The following RXFP2 variants were observed in gnomAD, a reference collection of about 807,000 sequenced individuals.
RXFP2 encodes relaxin family peptide receptor 2, also known as relaxin receptor 2.
A neutral mutation model predicts 88.6 loss-of-function variants in RXFP2; 68 were observed. The observed-to-expected ratio is 0.77, with a 90% confidence interval of 0.63 to 0.94. The LOEUF (loss-of-function observed/expected upper bound fraction) is 0.94. Ranked by LOEUF, RXFP2 falls within the 40% of genes least tolerant of loss-of-function variation. The probability of loss-of-function intolerance (pLI) is 0.00; values close to 1 mark genes in which losing one functional copy is unlikely to be tolerated. For missense variants in RXFP2, 791 were observed against 893.9 expected, an observed-to-expected ratio of 0.88 and a Z score of 1.47; for synonymous variants, 329 against 306.8, an observed-to-expected ratio of 1.07 and a Z score of -0.76.
chr13:31,779,794 A>G (rs1873181941), intron 9 of RXFP2, among the ~76,000 whole-genome samples: 1 of 151,924 alleles, frequency 6.6e-6, no homozygotes, highest in South Asian at 2.1e-4. Flanking sequence ...CTAACCTCAA[A>G]ATCTCTTGTT....
Position 31,774,316 on chromosome 13 carries a change from C to T in RXFP2, c.498-304C>T, listed in dbSNP as rs1016863582. ...CACATGGCCAGAAACTCCTGCCAGTCAGAACAGGACGGTCACCATAGTGCC... is the reference window on the plus strand; with the variant it reads ...CACATGGCCAGAAACTCCTGCCAGTTAGAACAGGACGGTCACCATAGTGCC... On this transcript the variant is annotated intron_variant, in intron 5 of 17. Coordinates refer to ENST00000298386, the MANE Select transcript of RXFP2 (RefSeq NM_130806.5). 4.4e-4 allele frequency among the ~76,000 whole-genome samples: 67 copies of T among 152,156 alleles called. 1 individual carries two copies. The highest frequency in any genetic ancestry group is 1.5e-5 in the Non-Finnish European group (1 of 68,026).
intron 5 of RXFP2, among the ~76,000 whole-genome samples, chr13:31,766,767 C>T (rs1030396573): frequency 1.3e-5 from 2 of 152,148 alleles, no homozygotes; most frequent in Non-Finnish European, 2.9e-5. Context: ...TGAAAAGTTG[C>T]ATGGCATAGA....
chr13:31,774,505 C>A, intron 5 of RXFP2, 115 bp from the exon 6 acceptor site: 1 of 729,502 alleles, frequency 1.4e-6, no homozygotes. Context: ...GAGAATAGGA[C>A]TTCGTACTTC....
intron 16 of RXFP2, among the ~76,000 whole-genome samples, chr13:31,794,772 AC>A (rs1322574538): frequency 9.9e-5 from 15 of 152,228 alleles, no homozygotes; most frequent in Non-Finnish European, 2.2e-4. Context: ...AAGCCAGGGA[AC>A]AGGGTAAGAT....
chr13:31,768,360 A>G (rs1198659632), intron 5 of RXFP2, among the ~76,000 whole-genome samples: 1 of 152,198 alleles, frequency 6.6e-6, no homozygotes. Flanking sequence ...ACAGGGGGAT[A>G]AAACACAATT....
chr13:31,777,365 C>T lies in RXFP2; in HGVS notation c.642-11C>T. ...CTAATATTGGAAATGTTTCTTGATA[C>T]ATTTTGTCAGAATTCTAGATGACAA... is the stretch of plus-strand genomic sequence containing the variant. On this transcript the variant is annotated splice_polypyrimidine_tract_variant and intron_variant, in intron 7 of 17. Transcript: ENST00000298386. 3 of 1,594,076 alleles carry T rather than the reference C, an allele frequency of 1.9e-6. No individual in the cohort carries two copies. Among genetic ancestry groups the T allele is most frequent in the Admixed American group, 1.7e-5 (1 of 59,808 alleles).
chr13:31,777,474 A>G, intron 8 of RXFP2, 27 bp downstream of exon 8: 1 of 1,466,194 alleles, frequency 6.8e-7, no homozygotes, highest in South Asian at 1.1e-5. Context: ...CTTTCAATAC[A>G]TCTATCGATA....
chr13:31,796,712 T>G (rs1318567115), intron 16 of RXFP2, among the ~76,000 whole-genome samples: 1 of 152,220 alleles, frequency 6.6e-6, no homozygotes, highest in Admixed American at 6.5e-5. Flanking sequence ...GGGTTTTACC[T>G]AACACCACTG....
In RXFP2 at chr13:31,789,258, T is replaced by C. The variant is rs1039463360; in HGVS notation, c.1145+65T>C. 8.0e-6 allele frequency: 8 copies of C among 1,005,238 alleles called. 1 individual carries two copies. In the African/African-American group the frequency reaches 1.1e-4, roughly 14 times the overall value. The allele number at this position is 1,005,238 out of a possible 1,614,324, so 62.3% of individuals were successfully genotyped here. A position where few individuals can be genotyped will look rare whatever the true frequency, so the allele number is the denominator to read the frequency against. On this transcript the variant is annotated intron_variant, in intron 14 of 17. Transcript: ENST00000298386. ...ATGCTTCAAATTATCTCCTGTAAAC[T>C]GTCTAATGTATCACTGCAATGTGTT...
chr13:31,754,246 G>A (rs1380041631), intron 1 of RXFP2, among the ~76,000 whole-genome samples: 1 of 152,184 alleles, frequency 6.6e-6, no homozygotes, highest in Non-Finnish European at 1.5e-5. Context: ...AGAACTCACA[G>A]TCAGCTGGGC....
At chr13:31,753,735 T>C (rs1358230014) in intron 1 of RXFP2, among the ~76,000 whole-genome samples, 1 of 152,210 alleles carries the variant, frequency 6.6e-6, no homozygotes, top group Non-Finnish European at 1.5e-5. Flanking sequence ...AAAAATAATT[T>C]CTCATCAGAA....
rs1377087220 is a variant in RXFP2 at position 31,762,201 on chromosome 13, T to C, written c.319+400T>C. On this transcript the variant is annotated intron_variant, in intron 3 of 17. Coordinates refer to ENST00000298386, the MANE Select transcript of RXFP2 (RefSeq NM_130806.5). ...GCTCCTTACAAAAGCAGTGATGATA[T>C]AATATTATTGCTAAAAGGGAGGAAT... 3.9e-5 allele frequency among the ~76,000 whole-genome samples: 6 copies of C among 152,200 alleles called. No homozygotes were observed. The East Asian group carries it at 1.2e-3, about 29-fold the overall frequency.
intron 1 of RXFP2, among the ~76,000 whole-genome samples, chr13:31,756,179 G>A (rs1227667148): frequency 6.6e-6 from 1 of 152,304 alleles, no homozygotes; most frequent in East Asian, 1.9e-4. Flanking sequence ...AGAGCAGCAG[G>A]TTCTACCTCC....
At chr13:31,759,726 G>T (rs1174588487) in intron 2 of RXFP2, among the ~76,000 whole-genome samples, 1 of 152,258 alleles carries the variant, frequency 6.6e-6, no homozygotes, top group East Asian at 1.9e-4. Context: ...AAAGAATCCT[G>T]TGTGTTTTCT....
At position 31,765,939 on chromosome 13, in the gene RXFP2, T is replaced by C. The variant is rs1872530311; in HGVS notation, c.426-17T>C. The C allele has an allele frequency of 7.5e-7, 1 of 1,331,734 alleles. No homozygotes were observed. Among genetic ancestry groups the C allele is most frequent in the South Asian group, 1.2e-5 (1 of 82,396 alleles). 82.5% of individuals were successfully genotyped at this position (1,331,734 alleles called of 1,614,324 possible). On this transcript the variant is annotated splice_polypyrimidine_tract_variant and intron_variant, in intron 4 of 17. Coordinates refer to ENST00000298386, the MANE Select transcript of RXFP2 (RefSeq NM_130806.5). ...CATAACAATCCATAATGAAGTTTGC[T>C]TTACATGTTATTTTAGGTCTCTTAA...
At chr13:31,754,851 CCCTATTATT>C (rs1871860005) in intron 1 of RXFP2, among the ~76,000 whole-genome samples, 2 of 130,980 alleles carry the variant, frequency 1.5e-5, no homozygotes. Flanking sequence ...TTATTTTAGT[CCCTATTATT>C]TCTTTCAGAG....
chr13:31,775,427 A>G (rs1269733794), intron 7 of RXFP2, 38 bp downstream of exon 7: 1 of 1,403,834 alleles, frequency 7.1e-7, no homozygotes, highest in African/African-American at 1.4e-5. Flanking sequence ...ATAGAGGATC[A>G]TAGTCTTGAT....
chr13:31,799,219 C>CAA lies in RXFP2; in HGVS notation c.2005+1813_2005+1814dup, dbSNP rs66998436. 3.3e-3 allele frequency among the ~76,000 whole-genome samples: 471 copies of CAA among 143,284 alleles called. 3 individuals are homozygous for CAA. Among genetic ancestry groups the CAA allele is most frequent in the African/African-American group, 0.011 (432 of 38,682 alleles). The allele number at this position is 143,284 out of a possible 152,430, so 94.0% of individuals were successfully genotyped here. A position where few individuals can be genotyped will look rare whatever the true frequency, so the allele number is the denominator to read the frequency against. ...CCCACTACTGTCTCCACACTTTCTT[C>CAA]AAAAAAAAAAAAAATGGAGTCTCGC... is the stretch of plus-strand genomic sequence containing the variant. On this transcript the variant is annotated intron_variant, in intron 17 of 17. Transcript: ENST00000298386.
intron 16 of RXFP2, 34 bp from the exon 17 acceptor site, chr13:31,797,167 G>A (rs371108766): frequency 3.0e-5 from 42 of 1,420,220 alleles, no homozygotes; most frequent in Admixed American, 8.4e-5. Context: ...TGACTTTTAC[G>A]CCTGAGATGT....
Sources: gnomAD v4.1 joint callset for allele counts (sites outside exome capture counted in the v4.1 genomes callset) on GRCh38, gnomAD v4.1.1 for gene constraint, MANE v1.5 for transcripts, NCBI Gene and HGNC (gene_info 2026-07-23, HGNC 2026-07-21) for gene names.